The following NTRK1 variants were observed in gnomAD, a reference collection of about 807,000 sequenced individuals.
NTRK1 encodes high affinity nerve growth factor receptor.
A neutral mutation model predicts 86.8 loss-of-function variants in NTRK1; 62 were observed. The observed-to-expected ratio is 0.71, with a 90% confidence interval of 0.58 to 0.88. The LOEUF is 0.88. Ranked by LOEUF, NTRK1 falls within the 40% of genes least tolerant of loss-of-function variation. The probability of loss-of-function intolerance (pLI) is 0.00; values close to 1 mark genes in which losing one functional copy is unlikely to be tolerated. For missense variants in NTRK1, 967 were observed against 1,078.4 expected (o/e 0.90, Z 1.45); for synonymous variants, 469 against 456.6 (o/e 1.03, Z -0.35).
At chr1:156,862,589 C>T (rs41519444) in intron 1 of NTRK1, among the ~76,000 whole-genome samples, 2 of 152,090 alleles carry the variant, frequency 1.3e-5, no homozygotes, top group African/African-American at 4.8e-5. Flanking sequence ...AGCCTGACAT[C>T]CCCCTCCCCA....
intron 6 of NTRK1, among the ~76,000 whole-genome samples, chr1:156,870,329 C>T (rs1558102022): frequency 6.6e-6 from 1 of 152,222 alleles, no homozygotes; most frequent in African/African-American, 2.4e-5. Flanking sequence ...GGGATAATCA[C>T]TTGAGACCAG....
At position 156,874,891 on chromosome 1, in the gene NTRK1, CCT is replaced by C. The variant is rs747896072; in HGVS notation, c.1252-14_1252-13del. On this transcript the variant is annotated splice_polypyrimidine_tract_variant and intron_variant, in intron 10 of 16. Transcript: ENST00000524377. ...GGAGGAGCCCCTGGATCTAACTACC[CCT>C]GTCCCCCACCAGGTCTCGGTGGCTG... 6.3e-7 allele frequency: 1 copy of C among 1,592,034 alleles called. No individual in the cohort carries two copies. The highest frequency in any genetic ancestry group is 8.6e-7 in the Non-Finnish European group (1 of 1,160,278).
chr1:156,869,373 C>T (rs1450022923), intron 6 of NTRK1, among the ~76,000 whole-genome samples: 3 of 151,906 alleles, frequency 2.0e-5, no homozygotes, highest in African/African-American at 4.8e-5. Flanking sequence ...CCACTGTGCC[C>T]GGCAGATCAC....
chr1:156,850,534 CTTTTTTTTTTTTTTTTTTT>C (rs35237064), intron 2 of NTRK1, among the ~76,000 whole-genome samples: 2 of 58,640 alleles, frequency 3.4e-5, no homozygotes, highest in Non-Finnish European at 7.1e-5. Flanking sequence ...TTAAAACATT[CTTTTTTTTTTTTTTTTTTT>C]TTTTTTTTTT....
At chr1:156,844,576 C>T in intron 2 of NTRK1, 13 of 1,614,168 alleles carry the variant, frequency 8.1e-6, no homozygotes, top group South Asian at 2.2e-5. Context: ...AGGTGGACTC[C>T]CCCAAACTTC....
intron 1 of NTRK1, among the ~76,000 whole-genome samples, chr1:156,833,789 G>A (rs1654526744): frequency 6.6e-6 from 1 of 152,194 alleles, no homozygotes; most frequent in African/African-American, 2.4e-5. Context: ...AGCAGGTGCT[G>A]CAGGGAGACA....
chr1:156,830,196 A>G (rs1654433319), intron 1 of NTRK1, among the ~76,000 whole-genome samples: 1 of 152,240 alleles, frequency 6.6e-6, no homozygotes, highest in Admixed American at 6.5e-5. Flanking sequence ...TCACTGCAAT[A>G]GAAGTGTTTT....
chr1:156,873,443 TAAAATGTATTGTCAACTTTCTTC>T (rs371035275), intron 7 of NTRK1, among the ~76,000 whole-genome samples, 167 bp from the exon 8 acceptor site: 1,564 of 152,304 alleles, frequency 0.01, 33 homozygotes, highest in African/African-American at 0.034. Flanking sequence ...CTGATTTATT[TAAAATGTATTGTCAACTTTCTTC>T]AAAACATCTC....
intron 2 of NTRK1, chr1:156,843,486 C>G: frequency 1.2e-6 from 2 of 1,614,086 alleles, no homozygotes. Flanking sequence ...GTTTCTGCAA[C>G]GGGAGGTGAG....
intron 8 of NTRK1, chr1:156,874,164 C>A (rs757049794): frequency 1.1e-6 from 1 of 893,254 alleles, no homozygotes. Flanking sequence ...CCGTCCTTGT[C>A]GGCTGGCTGA....
intron 5 of NTRK1, 86 bp from the exon 6 acceptor site, chr1:156,868,419 T>C: frequency 6.5e-7 from 1 of 1,541,974 alleles, no homozygotes; most frequent in Non-Finnish European, 8.8e-7. Flanking sequence ...TTGAGGAGGG[T>C]GGGGGAAGGA....
At chr1:156,820,150 A>T (rs1654144121) in intron 1 of NTRK1, among the ~76,000 whole-genome samples, 1 of 152,124 alleles carries the variant, frequency 6.6e-6, no homozygotes, top group African/African-American at 2.4e-5. Flanking sequence ...TGATTTTTGT[A>T]TAAGGAGAGA....
Position 156,844,762 on chromosome 1 carries a change from G to A in NTRK1, c.50+2569G>A, listed in dbSNP as rs769553612. 1.9e-6 allele frequency: 3 copies of A among 1,614,156 alleles called. No individual in the cohort carries two copies. The South Asian group carries it at 3.3e-5, about 18-fold the overall frequency. ...CTTGAGGATGAGTCCGTTGGGGTCTGGTGGCTCGAGCCAGCGCAGAAGGAC... is the reference window on the plus strand; with the variant it reads ...CTTGAGGATGAGTCCGTTGGGGTCTAGTGGCTCGAGCCAGCGCAGAAGGAC... On this transcript the variant is annotated intron_variant, in intron 2 of 16. Transcript: ENST00000392302.
intron 1 of NTRK1, chr1:156,840,197 A>G (rs1654720700): frequency 6.5e-6 from 1 of 153,112 alleles, no homozygotes; most frequent in East Asian, 1.9e-4. Flanking sequence ...AGGGCTAATC[A>G]TTGAGGGGAG....
In NTRK1 at chr1:156,862,118, C is replaced by A. The variant is rs1192370433; in HGVS notation, c.212+972C>A. Among the ~76,000 whole-genome samples, 8 of 152,264 alleles carry A rather than the reference C, an allele frequency of 5.3e-5. No individual in the cohort carries two copies. In the East Asian group the frequency reaches 7.7e-4, roughly 15 times the overall value. ...TGGGGTTTCGAGGGTGGACAAGGAACCTTGGCCTTGTGCTGTGATGGGCTG... is the reference window on the plus strand; with the variant it reads ...TGGGGTTTCGAGGGTGGACAAGGAAACTTGGCCTTGTGCTGTGATGGGCTG... On this transcript the variant is annotated intron_variant, in intron 1 of 16. Transcript: ENST00000524377.
At chr1:156,830,598 C>G (rs1415815942) in intron 1 of NTRK1, among the ~76,000 whole-genome samples, 1 of 145,830 alleles carries the variant, frequency 6.9e-6, no homozygotes, top group Non-Finnish European at 1.5e-5. Flanking sequence ...GCTCTGTTAC[C>G]CAGGCTGGAG....
At chr1:156,851,116 A>G (rs1655188968) in intron 2 of NTRK1, 1 of 731,480 alleles carries the variant, frequency 1.4e-6, no homozygotes, top group Non-Finnish European at 2.5e-6. Context: ...GTAATGTTAT[A>G]TTAGCCCTAT....
intron 2 of NTRK1, among the ~76,000 whole-genome samples, chr1:156,853,485 T>C (rs1655299187): frequency 1.3e-5 from 2 of 152,206 alleles, no homozygotes; most frequent in Admixed American, 1.3e-4. Context: ...TCTCTGTTCA[T>C]GCCTATTCTT....
chr1:156,817,299 G>A (rs1320455449), intron 1 of NTRK1, among the ~76,000 whole-genome samples: 1 of 152,016 alleles, frequency 6.6e-6, no homozygotes, highest in African/African-American at 2.4e-5. Context: ...TGAAATCTAT[G>A]AGTCTGGGCA....
Sources: gnomAD v4.1 joint callset for allele counts (sites outside exome capture counted in the v4.1 genomes callset) on GRCh38, gnomAD v4.1.1 for gene constraint, MANE v1.5 for transcripts, NCBI Gene and HGNC (gene_info 2026-07-23, HGNC 2026-07-21) for gene names.